IFT22: variants seen among roughly 807,000 people sequenced by gnomAD.
The protein encoded by IFT22 is intraflagellar transport 22, also known as intraflagellar transport protein 22 homolog.
In IFT22, 13 loss-of-function variants were observed where a neutral mutation model predicts 21.0. That is an observed-to-expected ratio of 0.62 (90% CI 0.40 to 0.98). IFT22 has a LOEUF of 0.98. Ranked by LOEUF, IFT22 falls within the 50% of genes least tolerant of loss-of-function variation. The pLI, the probability that IFT22 is intolerant of heterozygous loss-of-function variation, is 0.00. For missense variants in IFT22, 227 were observed against 228.9 expected (o/e 0.99, Z 0.06); for synonymous variants, 67 against 82.4 (o/e 0.81, Z 1.01).
rs759767763 is a variant in IFT22, at chr7:101,313,354, A to AT, written c.*1779dup. 871 of 143,806 alleles carry AT rather than the reference A, an allele frequency of 6.1e-3. 5 individuals carry two copies. The highest frequency in any genetic ancestry group is 0.029 in the East Asian group (145 of 4,956). The allele number at this position is 143,806 out of a possible 1,614,324, so 8.9% of individuals were successfully genotyped here. On this transcript the variant is annotated 3_prime_UTR_variant, in exon 5 of 5. Transcript: ENST00000315322. ...CCACTGCAACTGGCCAGGCACTTCA[A>AT]TTTTTTTTTTTTTGCTCTGTCACCA... is the stretch of plus-strand genomic sequence containing the variant.
At chr7:101,317,437 A>AT (rs992545557) in intron 3 of IFT22, among the ~76,000 whole-genome samples, 109 of 136,690 alleles carry the variant, frequency 8.0e-4, no homozygotes, top group East Asian at 3.7e-3. Flanking sequence ...CCTGGCCCCT[A>AT]TTTTTTTTTT....
rs1343838639 is a variant in IFT22 at position 101,314,728 on chromosome 7, G to A, written c.*406C>T. ...GAACAGCAGTGCACACACAGCAGGT[G>A]CTCAGCCAGTCGGTATTTGTTGGGT... is the stretch of plus-strand genomic sequence containing the variant. On this transcript the variant is annotated 3_prime_UTR_variant, in exon 5 of 5. Transcript: ENST00000315322. 2 of 179,456 alleles carry A rather than the reference G, an allele frequency of 1.1e-5. No individual in the cohort carries two copies. The highest frequency in any genetic ancestry group is 4.8e-5 in the African/African-American group (2 of 42,048). 11.1% of individuals were successfully genotyped at this position (179,456 alleles called of 1,614,324 possible).
Position 101,313,761 on chromosome 7 carries a change from C to G in IFT22, c.*1373G>C, listed in dbSNP as rs910602688. On this transcript the variant is annotated 3_prime_UTR_variant, in exon 5 of 5. Transcript: ENST00000315322. ...AAATACAAAATCTATGAATAAGGAT[C>G]AAGTATACGTTCATTTGGCATTTTA... is the stretch of plus-strand genomic sequence containing the variant. The G allele has an allele frequency of 6.6e-6, 1 of 152,202 alleles. No homozygotes were observed. Among genetic ancestry groups the G allele is most frequent in the African/African-American group, 2.4e-5 (1 of 41,446 alleles). The allele number at this position is 152,202 out of a possible 1,614,324, so 9.4% of individuals were successfully genotyped here. A position where few individuals can be genotyped will look rare whatever the true frequency, so the allele number is the denominator to read the frequency against.
chr7:101,318,743 C>A lies in IFT22; in HGVS notation c.116+213G>T, dbSNP rs1263717502. 3 of 501,276 alleles carry A rather than the reference C, an allele frequency of 6.0e-6. No homozygotes were observed. The Admixed American group carries it at 9.7e-5, about 16-fold the overall frequency. 31.1% of individuals were successfully genotyped at this position (501,276 alleles called of 1,614,324 possible). On this transcript the variant is annotated intron_variant, in intron 2 of 4. Transcript: ENST00000315322. ...CCTCCAACTCCTGGCCTCAAACAAT[C>A]CTTCTGCTTCAACCTAACATGTAGC...
chr7:101,321,757 G>C lies in IFT22; in HGVS notation c.-48C>G, dbSNP rs1163797868. The C allele has an allele frequency of 6.5e-7, 1 of 1,548,532 alleles. No individual in the cohort carries two copies. Among genetic ancestry groups the C allele is most frequent in the South Asian group, 1.2e-5 (1 of 84,126 alleles). On this transcript the variant is annotated 5_prime_UTR_variant, in exon 1 of 5. Transcript: ENST00000315322. ...GGCCGGAGCCCACGGGAGGCGGCGC[G>C]TCAGGACGGAGCTCTACTTGGCCGC...
Position 101,318,622 on chromosome 7 carries a change from C to G in IFT22, c.116+334G>C, listed in dbSNP as rs2116928813. ...AGGAAGTGGGTGATGGCTGGGCAGT[C>G]TTTTAAAATTGTTTTATTATTAATT... On this transcript the variant is annotated intron_variant, in intron 2 of 4. Transcript: ENST00000315322. 3 of 278,794 alleles carry G rather than the reference C, an allele frequency of 1.1e-5. No individual in the cohort carries two copies. In the South Asian group the frequency reaches 1.7e-4, roughly 16 times the overall value. 17.3% of individuals were successfully genotyped at this position (278,794 alleles called of 1,614,324 possible).
At chr7:101,316,578 G>GAATGACCTAACTT in intron 3 of IFT22, 36 bp from the exon 4 acceptor site, 1 of 1,598,528 alleles carries the variant, frequency 6.3e-7, no homozygotes. Flanking sequence ...GGAAAGTTAG[G>GAATGACCTAACTT]TCATTCTGGT....
intron 1 of IFT22, 25 bp downstream of exon 1, chr7:101,321,646 T>G (rs1346468404): frequency 1.3e-6 from 2 of 1,588,462 alleles, no homozygotes; most frequent in Non-Finnish European, 1.7e-6. Flanking sequence ...CCCCGCTCCC[T>G]CTGCCGCGCC....
At chr7:101,318,498 C>A in intron 2 of IFT22, 1 of 306,166 alleles carries the variant, frequency 3.3e-6, no homozygotes, top group Non-Finnish European at 6.1e-6. Flanking sequence ...CCAGCCTCAG[C>A]GACAGGACGA....
At chr7:101,315,393 G>T (rs1790115641) in intron 4 of IFT22, 111 bp from the exon 5 acceptor site, 2 of 1,202,072 alleles carry the variant, frequency 1.7e-6, no homozygotes, top group South Asian at 1.3e-5. Context: ...CACAGATCAA[G>T]TTGTCTTCTT....
Position 101,312,503 on chromosome 7 carries a change from C to A in IFT22, c.*2631G>T, listed in dbSNP as rs1232206639. ...GATATAGTGTCCATATCAAGGTCAT[C>A]TAAATAAATATAATGTTTTGGAGAG... is the stretch of plus-strand genomic sequence containing the variant. On this transcript the variant is annotated 3_prime_UTR_variant, in exon 5 of 5. Coordinates refer to ENST00000315322, the MANE Select transcript of IFT22 (RefSeq NM_022777.4). Among the ~76,000 whole-genome samples the A allele has an allele frequency of 6.9e-6, 1 of 145,922 alleles. No homozygotes were observed. Among genetic ancestry groups the A allele is most frequent in the Non-Finnish European group, 1.5e-5 (1 of 66,956 alleles).
Position 101,312,530 on chromosome 7 carries a change from G to GTTTTTTTTTTTTT in IFT22, c.*2603_*2604insAAAAAAAAAAAAA, listed in dbSNP as rs776119398. Among the ~76,000 whole-genome samples the GTTTTTTTTTTTTT allele has an allele frequency of 7.9e-6, 1 of 126,580 alleles. No individual in the cohort carries two copies. The highest frequency in any genetic ancestry group is 1.6e-5 in the Non-Finnish European group (1 of 62,312). 83.0% of individuals were successfully genotyped at this position (126,580 alleles called of 152,430 possible). On this transcript the variant is annotated 3_prime_UTR_variant, in exon 5 of 5. Transcript: ENST00000315322. ...AAATAAATATAATGTTTTGGAGAGAGTTGTTTTTTTTTTTTTTTTTTTTGT... is the reference window on the plus strand; with the variant it reads ...AAATAAATATAATGTTTTGGAGAGAGTTTTTTTTTTTTTTTGTTTTTTTTTTTTTTTTTTTTGT...
chr7:101,317,977 A>C, intron 3 of IFT22, 147 bp downstream of exon 3: 1 of 617,598 alleles, frequency 1.6e-6, no homozygotes, highest in East Asian at 3.3e-5. Context: ...CATGTTGGCC[A>C]GGCTGCTCTT....
intron 4 of IFT22, chr7:101,315,995 CTCT>C (rs1431436264): frequency 1.0e-5 from 2 of 194,640 alleles, no homozygotes; most frequent in Non-Finnish European, 1.9e-5. Context: ...CCGGTCTTTT[CTCT>C]TTTTTTTTTT....
Position 101,319,026 on chromosome 7 carries a change from TTCCAC to T in IFT22, c.41_45del (p.Ser14LysfsTer13). 1 of 1,613,854 alleles carries T rather than the reference TTCCAC, an allele frequency of 6.2e-7. No individual in the cohort carries two copies. Among genetic ancestry groups the T allele is most frequent in the African/African-American group, 1.3e-5 (1 of 75,026 alleles). ...GTCAGAAAGTTGGCCAAAACAGTTT[TTCCAC>T]TCTGTGAAAATGAGTGCAAATAAAG... On this transcript the variant is annotated frameshift_variant and splice_region_variant, in exon 2 of 5. Coordinates refer to ENST00000315322, the MANE Select transcript of IFT22 (RefSeq NM_022777.4). LOFTEE classifies it high-confidence loss of function.
chr7:101,321,087 G>A lies in IFT22; in HGVS notation c.39+584C>T, dbSNP rs191745168. 2.8e-4 allele frequency among the ~76,000 whole-genome samples: 43 copies of A among 152,192 alleles called. No homozygotes were observed. In the East Asian group the frequency reaches 7.4e-3, roughly 26 times the overall value. On this transcript the variant is annotated intron_variant, in intron 1 of 4. Coordinates refer to ENST00000315322, the MANE Select transcript of IFT22 (RefSeq NM_022777.4). ...GAACCCGGGAGGCGGAGTTTGCACTGAGCCAAGATCATGCCACTGCACTCC... is the reference window on the plus strand; with the variant it reads ...GAACCCGGGAGGCGGAGTTTGCACTAAGCCAAGATCATGCCACTGCACTCC...
intron 2 of IFT22, 76 bp downstream of exon 2, chr7:101,318,880 A>T: frequency 8.6e-7 from 1 of 1,167,718 alleles, no homozygotes; most frequent in Non-Finnish European, 1.3e-6. Context: ...GACCTCCCAG[A>T]GCACTGGGAT....
chr7:101,316,467 G>A lies in IFT22; in HGVS notation c.282C>T (p.Ser94=), dbSNP rs934281370. The A allele has an allele frequency of 3.7e-6, 6 of 1,614,014 alleles. No individual in the cohort carries two copies. The highest frequency in any genetic ancestry group is 5.1e-6 in the Non-Finnish European group (6 of 1,180,036). ...VVIVFNADIP[S]HRKEMEMWYS... ...ACCACATCTCCATTTCCTTCCGGTG[G>A]CTTGGGATGTCAGCATTGAAGACGA... Residue 94 remains serine (S), a synonymous_variant, in exon 4 of 5, where the codon AGC becomes AGT. Transcript: ENST00000315322.
intron 1 of IFT22, among the ~76,000 whole-genome samples, chr7:101,321,102 C>T (rs1449185526): frequency 2.0e-5 from 3 of 152,138 alleles, no homozygotes; most frequent in Admixed American, 6.5e-5. Context: ...AAGATCATGC[C>T]ACTGCACTCC....
Sources: allele counts gnomAD v4.1 joint callset (sites outside exome capture counted in the v4.1 genomes callset), GRCh38; gene constraint gnomAD v4.1.1; transcripts MANE v1.5; gene names NCBI Gene and HGNC (gene_info 2026-07-23, HGNC 2026-07-21).